SPAG16: variants seen among roughly 807,000 people sequenced by gnomAD.
SPAG16 encodes sperm associated antigen 16.
Under a neutral mutation model 80.4 loss-of-function variants are expected in SPAG16, and 86 were observed. The observed-to-expected ratio is 1.07, with a 90% CI of 0.90 to 1.28. SPAG16 has a LOEUF of 1.28. SPAG16 is among the 50% of genes most tolerant of loss of function. The pLI is 0.00. For missense variants in SPAG16, 870 were observed against 765.3 expected (o/e 1.14, Z -1.61); for synonymous variants, 294 against 265.9 (o/e 1.11, Z -1.03).
rs1339762204 is a variant in SPAG16 at position 213,717,155 on chromosome 2, C to CTTT, written c.1071-145330_1071-145329insTTT. ...TCAACTGTGAAAAGCAGAAACTTTT[C>CTTT]ATTTTTTTTTTTTTTTTTGAGACGG... On this transcript the variant is annotated intron_variant, in intron 10 of 15. Transcript: ENST00000331683. Among the ~76,000 whole-genome samples, 21 of 139,210 alleles carry CTTT rather than the reference C, an allele frequency of 1.5e-4. 5 individuals are homozygous for CTTT. The highest frequency in any genetic ancestry group is 1.1e-4 in the Non-Finnish European group (7 of 62,578). The allele number at this position is 139,210 out of a possible 152,430, so 91.3% of individuals were successfully genotyped here. A position where few individuals can be genotyped will look rare whatever the true frequency, so the allele number is the denominator to read the frequency against.
At chr2:213,829,755 A>G (rs2073520174) in intron 10 of SPAG16, among the ~76,000 whole-genome samples, 1 of 152,174 alleles carries the variant, frequency 6.6e-6, no homozygotes, top group Admixed American at 6.5e-5. Flanking sequence ...CCTTCAAGGC[A>G]GCAGGTTCCC....
intron 12 of SPAG16, among the ~76,000 whole-genome samples, chr2:214,002,617 A>T (rs1250304017): frequency 6.6e-6 from 1 of 152,180 alleles, no homozygotes. Context: ...CCAGTGGTAC[A>T]GTTCCAGTCC....
At chr2:214,394,702 C>G (rs1484130016) in intron 15 of SPAG16, among the ~76,000 whole-genome samples, 1 of 152,204 alleles carries the variant, frequency 6.6e-6, no homozygotes, top group Non-Finnish European at 1.5e-5. Context: ...CAGAGTGGCA[C>G]ATGTGTTACA....
At chr2:214,237,156 C>T (rs1444704185) in intron 15 of SPAG16, among the ~76,000 whole-genome samples, 1 of 152,104 alleles carries the variant, frequency 6.6e-6, no homozygotes, top group African/African-American at 2.4e-5. Flanking sequence ...ATCTCTTGTT[C>T]AATCACATTG....
chr2:213,297,168 C>T, intron 2 of SPAG16, 94 bp from the exon 3 acceptor site: 1 of 1,497,914 alleles, frequency 6.7e-7, no homozygotes, highest in Admixed American at 2.1e-5. Context: ...TTCTTTGATC[C>T]TTTGATTTGT....
At chr2:213,873,962 A>G (rs2076046814) in intron 11 of SPAG16, among the ~76,000 whole-genome samples, 1 of 152,202 alleles carries the variant, frequency 6.6e-6, no homozygotes, top group South Asian at 2.1e-4. Flanking sequence ...TATTGCTCCT[A>G]TATAACAAAC....
chr2:214,319,950 T>C (rs1031247981), intron 15 of SPAG16, among the ~76,000 whole-genome samples: 2 of 152,092 alleles, frequency 1.3e-5, no homozygotes, highest in Non-Finnish European at 2.9e-5. Flanking sequence ...ATTTCTCTAC[T>C]GCCTCACATC....
At chr2:214,288,618 C>A (rs1693558894) in intron 15 of SPAG16, among the ~76,000 whole-genome samples, 1 of 151,820 alleles carries the variant, frequency 6.6e-6, no homozygotes, top group African/African-American at 2.4e-5. Context: ...TTAGTAAGAG[C>A]CATTTTAACT....
In SPAG16 at chr2:213,895,009, A is replaced by C. The variant is rs1404024639; in HGVS notation, c.1214+32381A>C. On this transcript the variant is annotated intron_variant, in intron 11 of 15. Transcript: ENST00000331683. ...TCTCAAAAAAAAAAAAAAAAAAAAA[A>C]AAAAAAAAAACTGAAAGACTCTACC... Among the ~76,000 whole-genome samples, 184 of 149,462 alleles carry C rather than the reference A, an allele frequency of 1.2e-3. 1 individual carries two copies. Among genetic ancestry groups the C allele is most frequent in the Non-Finnish European group, 2.3e-3 (151 of 67,042 alleles).
At chr2:214,048,744 G>A (rs1041242325) in intron 13 of SPAG16, among the ~76,000 whole-genome samples, 5 of 152,122 alleles carry the variant, frequency 3.3e-5, no homozygotes, top group Admixed American at 3.3e-4. Context: ...ATAAATGCTT[G>A]ATGTGATGGA....
intron 15 of SPAG16, among the ~76,000 whole-genome samples, chr2:214,197,783 A>C (rs974256411): frequency 5.9e-5 from 9 of 151,866 alleles, no homozygotes. Context: ...CATTATAATC[A>C]CCTGTGTTTT....
At chr2:213,715,697 T>A (rs1171794484) in intron 10 of SPAG16, among the ~76,000 whole-genome samples, 1 of 152,220 alleles carries the variant, frequency 6.6e-6, no homozygotes, top group African/African-American at 2.4e-5. Context: ...TCTTTTCATC[T>A]ACCTGACATT....
chr2:213,619,967 A>G (rs112731192), intron 10 of SPAG16, among the ~76,000 whole-genome samples: 3,553 of 152,310 alleles, frequency 0.023, 48 homozygotes, highest in African/African-American at 0.038. Flanking sequence ...TACACAATGG[A>G]GTACTATCCA....
chr2:213,789,142 A>G (rs1038055966), intron 10 of SPAG16, among the ~76,000 whole-genome samples: 3 of 151,956 alleles, frequency 2.0e-5, no homozygotes, highest in Non-Finnish European at 4.4e-5. Context: ...CATGTATGGA[A>G]TTGAAAAATA....
chr2:213,706,026 T>G (rs2125343508), intron 10 of SPAG16, among the ~76,000 whole-genome samples: 1 of 152,320 alleles, frequency 6.6e-6, no homozygotes. Flanking sequence ...CAAGCTGCAC[T>G]TTACTATTTT....
rs2074977836 is a variant in SPAG16, at chr2:213,852,913, A to AT, written c.1071-9571dup. On this transcript the variant is annotated intron_variant, in intron 10 of 15. Coordinates refer to ENST00000331683, the MANE Select transcript of SPAG16 (RefSeq NM_024532.5). ...GTGAAAGTACTTTATATAAATGCTAATGCACATCACGATATAAGATGCAGT... is the reference window on the plus strand; with the variant it reads ...GTGAAAGTACTTTATATAAATGCTAATTGCACATCACGATATAAGATGCAGT... Among the ~76,000 whole-genome samples, 5 of 152,232 alleles carry AT rather than the reference A, an allele frequency of 3.3e-5. No individual in the cohort carries two copies. The South Asian group carries it at 1.0e-3, about 32-fold the overall frequency.
intron 15 of SPAG16, among the ~76,000 whole-genome samples, chr2:214,315,724 G>A (rs112617460): frequency 0.092 from 14,026 of 151,806 alleles, 782 homozygotes; most frequent in Middle Eastern, 0.15. Flanking sequence ...TAGAGTTGGG[G>A]TCTCACTATG....
chr2:213,903,147 G>T (rs2077288116), intron 11 of SPAG16, among the ~76,000 whole-genome samples: 1 of 152,174 alleles, frequency 6.6e-6, no homozygotes, highest in South Asian at 2.1e-4. Flanking sequence ...CAAGCTGTCA[G>T]TGGATCTACC....
chr2:214,205,949 C>A (rs745775333), intron 15 of SPAG16, among the ~76,000 whole-genome samples: 7 of 152,044 alleles, frequency 4.6e-5, no homozygotes, highest in Non-Finnish European at 1.0e-4. Flanking sequence ...TAGTCCCACA[C>A]TTTGAGAGGC....
Sources: gnomAD v4.1 joint callset for allele counts (sites outside exome capture counted in the v4.1 genomes callset) on GRCh38, gnomAD v4.1.1 for gene constraint, MANE v1.5 for transcripts, NCBI Gene and HGNC (gene_info 2026-07-23, HGNC 2026-07-21) for gene names.